The following EHBP1 variants were observed in gnomAD, a reference collection of about 807,000 sequenced individuals.
EHBP1 encodes the protein EH domain-binding protein 1.
A neutral mutation model predicts 144.0 loss-of-function variants in EHBP1; 55 were observed. That is an observed-to-expected ratio of 0.38 (90% CI 0.31 to 0.48). EHBP1 has a LOEUF of 0.48. Ranked by LOEUF, EHBP1 falls within the 20% of genes least tolerant of loss-of-function variation. EHBP1 has a pLI of 0.98. For synonymous variants in EHBP1, 469 were observed against 472.7 expected, an observed-to-expected ratio of 0.99 and a Z score of 0.10; for missense variants, 1,200 against 1,364.2, an observed-to-expected ratio of 0.88 and a Z score of 1.90.
At chr2:62,674,597 G>A (rs1179084984) in intron 1 of EHBP1, among the ~76,000 whole-genome samples, 1 of 152,170 alleles carries the variant, frequency 6.6e-6, no homozygotes, top group Non-Finnish European at 1.5e-5. Context: ...CACAATTTAT[G>A]ACCTATAAGT....
At chr2:63,030,908 G>T (rs2153343767) in intron 19 of EHBP1, among the ~76,000 whole-genome samples, 1 of 145,820 alleles carries the variant, frequency 6.9e-6, no homozygotes, top group Middle Eastern at 3.9e-3. Flanking sequence ...TGATTCTCCT[G>T]CCTTGGCCTC....
chr2:62,716,244 G>C (rs1215696254), intron 2 of EHBP1, among the ~76,000 whole-genome samples: 2 of 152,084 alleles, frequency 1.3e-5, no homozygotes, highest in African/African-American at 2.4e-5. Flanking sequence ...CTGAGAGGAG[G>C]TGTTACTGAT....
intron 14 of EHBP1, 81 bp from the exon 15 acceptor site, chr2:62,979,107 G>A: frequency 6.9e-7 from 1 of 1,440,326 alleles, no homozygotes; most frequent in East Asian, 2.3e-5. Flanking sequence ...CTGTAAACCA[G>A]TTACTATCAT....
At chr2:62,921,439 T>A (rs1367741681) in intron 10 of EHBP1, among the ~76,000 whole-genome samples, 1 of 150,136 alleles carries the variant, frequency 6.7e-6, no homozygotes, top group Admixed American at 6.6e-5. Flanking sequence ...AGCCAGACCT[T>A]GTCTCAAAAA....
intron 19 of EHBP1, among the ~76,000 whole-genome samples, chr2:63,029,155 A>G (rs1445958843): frequency 6.6e-6 from 1 of 151,278 alleles, no homozygotes; most frequent in African/African-American, 2.4e-5. Context: ...CTAGACTATC[A>G]TTATTTGGAG....
At chr2:63,016,306 TTTAG>T (rs1235622140) in intron 19 of EHBP1, among the ~76,000 whole-genome samples, 2 of 152,188 alleles carry the variant, frequency 1.3e-5, no homozygotes, top group African/African-American at 2.4e-5. Flanking sequence ...GTGTCAAGAT[TTTAG>T]TTACTTTATG....
chr2:62,855,734 C>T (rs1320002544), intron 7 of EHBP1, among the ~76,000 whole-genome samples: 1 of 152,152 alleles, frequency 6.6e-6, no homozygotes, highest in Non-Finnish European at 1.5e-5. Flanking sequence ...GTTGATGGGA[C>T]TACTTGCCTG....
intron 5 of EHBP1, among the ~76,000 whole-genome samples, chr2:62,772,560 A>G (rs1375015273): frequency 1.3e-5 from 2 of 152,274 alleles, no homozygotes; most frequent in African/African-American, 4.8e-5. Flanking sequence ...TGAAAATAAT[A>G]CAGATGACAG....
chr2:63,036,512 AT>A (rs965441215), intron 19 of EHBP1, among the ~76,000 whole-genome samples: 1 of 151,980 alleles, frequency 6.6e-6, no homozygotes, highest in African/African-American at 2.4e-5. Context: ...GAATTATTTA[AT>A]TTTTAATAGA....
chr2:63,005,267 G>A (rs2059992292), intron 19 of EHBP1, among the ~76,000 whole-genome samples: 1 of 152,056 alleles, frequency 6.6e-6, no homozygotes, highest in South Asian at 2.1e-4. Context: ...AAATGTAGCT[G>A]TTCTTTATTA....
intron 10 of EHBP1, among the ~76,000 whole-genome samples, chr2:62,879,973 C>G (rs1573868768): frequency 6.6e-6 from 1 of 152,124 alleles, no homozygotes; most frequent in East Asian, 1.9e-4. Flanking sequence ...TTAGACTATA[C>G]TAGAAGGGTA....
chr2:63,021,578 C>T (rs2060750584), intron 19 of EHBP1, among the ~76,000 whole-genome samples: 1 of 152,148 alleles, frequency 6.6e-6, no homozygotes, highest in African/African-American at 2.4e-5. Context: ...CATTTATCCT[C>T]CTCTGTTTCA....
chr2:62,985,887 C>CT (rs2153218026), intron 15 of EHBP1, among the ~76,000 whole-genome samples: 1 of 152,274 alleles, frequency 6.6e-6, no homozygotes, highest in Non-Finnish European at 1.5e-5. Context: ...ATTATAGTCC[C>CT]TTGAATATGC....
intron 2 of EHBP1, among the ~76,000 whole-genome samples, chr2:62,742,324 T>A (rs1482299104): frequency 1.3e-5 from 2 of 152,126 alleles, no homozygotes; most frequent in East Asian, 3.8e-4. Context: ...CCTTAGATTT[T>A]GGTATCTGTT....
At chr2:62,988,230 A>G (rs2059278486) in intron 15 of EHBP1, among the ~76,000 whole-genome samples, 1 of 152,118 alleles carries the variant, frequency 6.6e-6, no homozygotes, top group South Asian at 2.1e-4. Context: ...AAAATTAGCA[A>G]TAACATTGGA....
At chr2:62,968,644 C>T (rs1371392376) in intron 14 of EHBP1, among the ~76,000 whole-genome samples, 1 of 152,086 alleles carries the variant, frequency 6.6e-6, no homozygotes, top group African/African-American at 2.4e-5. Flanking sequence ...TTTACTTTGA[C>T]GTTACATTTT....
At chr2:62,718,324 CTAAATTTAAATCAA>C (rs2035884502) in intron 2 of EHBP1, among the ~76,000 whole-genome samples, 1 of 152,168 alleles carries the variant, frequency 6.6e-6, no homozygotes, top group African/African-American at 2.4e-5. Context: ...CTATTTACAT[CTAAATTTAAATCAA>C]TTTAAATTAA....
At chr2:62,994,508 T>C (rs1378304186) in intron 18 of EHBP1, among the ~76,000 whole-genome samples, 3 of 152,142 alleles carry the variant, frequency 2.0e-5, no homozygotes, top group Non-Finnish European at 4.4e-5. Context: ...GGGCTGATCA[T>C]GTGTAAAATT....
At chr2:62,771,453 G>A in intron 5 of EHBP1, 61 bp downstream of exon 5, 2 of 1,272,906 alleles carry the variant, frequency 1.6e-6, no homozygotes, top group East Asian at 2.7e-5. Context: ...GCATTATTAA[G>A]GTACATTGGC....
Sources: gnomAD v4.1 joint callset for allele counts (sites outside exome capture counted in the v4.1 genomes callset) on GRCh38, gnomAD v4.1.1 for gene constraint, MANE v1.5 for transcripts, NCBI Gene and HGNC (gene_info 2026-07-23, HGNC 2026-07-21) for gene names.